Variants in ZNF724 observed in about 807,000 individuals in gnomAD.
The protein encoded by ZNF724 is zinc finger protein 724.
In ZNF724, 14 loss-of-function variants were observed where a neutral mutation model predicts 29.3. The observed-to-expected ratio is 0.48, with a 90% confidence interval of 0.32 to 0.75. The LOEUF (loss-of-function observed/expected upper bound fraction) is 0.75, where lower values mean the gene tolerates loss of function less well. Among genes scored for constraint, ZNF724 ranks in the 30% least tolerant of loss-of-function variants. ZNF724 has a pLI of 0.04. For synonymous variants in ZNF724, 180 were observed against 193.6 expected, an observed-to-expected ratio of 0.93 and a Z score of 0.58; for missense variants, 557 against 571.2, an observed-to-expected ratio of 0.98 and a Z score of 0.25.
At chr19:23,240,131 C>T (rs969046783) in intron 1 of ZNF724, among the ~76,000 whole-genome samples, 7 of 151,918 alleles carry the variant, frequency 4.6e-5, no homozygotes, top group Non-Finnish European at 1.0e-4. Context: ...GCCTGGTCAA[C>T]ATGGTGAAAC....
intron 1 of ZNF724, among the ~76,000 whole-genome samples, chr19:23,242,329 A>G (rs1568345340): frequency 1.3e-5 from 2 of 152,182 alleles, no homozygotes; most frequent in African/African-American, 4.8e-5. Flanking sequence ...CTATAATCCC[A>G]GAACTTTGGG....
intron 3 of ZNF724, among the ~76,000 whole-genome samples, chr19:23,226,840 C>T (rs974848934): frequency 1.3e-5 from 2 of 151,594 alleles, no homozygotes; most frequent in African/African-American, 4.9e-5. Flanking sequence ...TTAATTAAGC[C>T]CTATGTTGAC....
In ZNF724 at chr19:23,249,388, G is replaced by T. The variant is rs532345946; in HGVS notation, c.3+852C>A. Among the ~76,000 whole-genome samples the T allele has an allele frequency of 8.2e-5, 12 of 146,894 alleles. No individual in the cohort carries two copies. In the South Asian group the frequency reaches 2.7e-3, roughly 33 times the overall value. On this transcript the variant is annotated intron_variant, in intron 1 of 3. Transcript: ENST00000418100. ...CCCGAGTGGCTGGGATTACAAGCATGCGCCACTATGCCCGGCTTTTTTTTT... is the reference window on the plus strand; with the variant it reads ...CCCGAGTGGCTGGGATTACAAGCATTCGCCACTATGCCCGGCTTTTTTTTT...
intron 3 of ZNF724, 40 bp downstream of exon 3, chr19:23,231,226 C>T (rs775142605): frequency 1.6e-6 from 2 of 1,226,646 alleles, no homozygotes; most frequent in Non-Finnish European, 2.3e-6. Flanking sequence ...GACATTTGGA[C>T]CTCTCATCTG....
chr19:23,241,698 C>A (rs1220736411), intron 1 of ZNF724, among the ~76,000 whole-genome samples: 1 of 151,686 alleles, frequency 6.6e-6, no homozygotes, highest in Non-Finnish European at 1.5e-5. Flanking sequence ...ATTGTTCATG[C>A]ATAAAACCCT....
chr19:23,239,896 T>G (rs1972089317), intron 1 of ZNF724, among the ~76,000 whole-genome samples: 1 of 147,454 alleles, frequency 6.8e-6, no homozygotes, highest in Admixed American at 6.7e-5. Context: ...GAAGGAGATT[T>G]AGAAATGAAA....
intron 3 of ZNF724, among the ~76,000 whole-genome samples, chr19:23,229,880 C>T (rs1971904962): frequency 6.6e-6 from 1 of 152,128 alleles, no homozygotes; most frequent in African/African-American, 2.4e-5. Context: ...TAAAATAGCA[C>T]TGGAAGTATG....
At position 23,250,363 on chromosome 19, in the gene ZNF724, C is replaced by G. The variant is rs1312444872; in HGVS notation, c.-121G>C. The stretch of plus-strand genomic sequence containing the variant: ...GGACACAAAGCAGGGAAGACGAGAC[C>G]AAGCGCTCCAGCTGCAGCGAGAGAC... On this transcript the variant is annotated 5_prime_UTR_variant, in exon 1 of 4. Coordinates refer to ENST00000418100, the MANE Select transcript of ZNF724 (RefSeq NM_001355404.2). 4.1e-6 allele frequency: 2 copies of G among 486,432 alleles called. No individual in the cohort carries two copies. The highest frequency in any genetic ancestry group is 5.4e-5 in the East Asian group (1 of 18,466). The allele number at this position is 486,432 out of a possible 1,614,324, so 30.1% of individuals were successfully genotyped here.
At chr19:23,242,837 TGAGACCA>T (rs1972154375) in intron 1 of ZNF724, 1 of 151,330 alleles carries the variant, frequency 6.6e-6, no homozygotes, top group Admixed American at 6.6e-5. Context: ...GTCAGGAGTT[TGAGACCA>T]GCCTGACCAA....
intron 1 of ZNF724, among the ~76,000 whole-genome samples, chr19:23,243,087 T>C (rs1972163150): frequency 6.8e-6 from 1 of 146,588 alleles, no homozygotes; most frequent in Non-Finnish European, 1.5e-5. Context: ...AAATATAATA[T>C]GTAAATATCA....
At chr19:23,232,377 A>T in intron 1 of ZNF724, 84 bp from the exon 2 acceptor site, 1 of 744,050 alleles carries the variant, frequency 1.3e-6, no homozygotes, top group East Asian at 2.5e-5. Flanking sequence ...AAGACTAAGG[A>T]GTACTCATTC....
chr19:23,222,958 T>C lies in ZNF724; in HGVS notation c.1287A>G (p.Lys429=), dbSNP rs1276898700. The change falls in exon 4 of 4, where the codon AAA becomes AAG. Residue 429 remains lysine (K), a synonymous_variant. Transcript: ENST00000418100. ...EKPYKCEECG[K]AFNQFSQLTT... ...TAAGTTGTGAGAACTGGTTAAAGGC[T>C]TTGCCACATTCTTCACATTTGTAGG... 7.3e-7 allele frequency: 1 copy of C among 1,378,556 alleles called. No individual in the cohort carries two copies. Among genetic ancestry groups the C allele is most frequent in the Non-Finnish European group, 1.0e-6 (1 of 966,780 alleles). The allele number at this position is 1,378,556 out of a possible 1,614,324, so 85.4% of individuals were successfully genotyped here.
chr19:23,238,365 C>T (rs1972058559), intron 1 of ZNF724, among the ~76,000 whole-genome samples: 1 of 151,648 alleles, frequency 6.6e-6, no homozygotes, highest in African/African-American at 2.4e-5. Context: ...CCTCAAAAAA[C>T]AAAAAACAAA....
chr19:23,237,879 G>A (rs1344812986), intron 1 of ZNF724, among the ~76,000 whole-genome samples: 1 of 152,116 alleles, frequency 6.6e-6, no homozygotes, highest in African/African-American at 2.4e-5. Context: ...TCTTTCTTTT[G>A]CAGTGTAAGT....
chr19:23,223,906 T>TA lies in ZNF724; in HGVS notation c.338dup (p.Leu113PhefsTer6). On this transcript the variant is annotated frameshift_variant, in exon 4 of 4. Coordinates refer to ENST00000418100, the MANE Select transcript of ZNF724 (RefSeq NM_001355404.2). LOFTEE classifies it low-confidence loss of function (END_TRUNC). The stretch of plus-strand genomic sequence containing the variant: ...CATCCACACTTTTATAGCCTTTTTT[T>TA]AACTGTAAATTGTGATGTCCACATT... 1 of 773,448 alleles carries TA rather than the reference T, an allele frequency of 1.3e-6. No homozygotes were observed. The highest frequency in any genetic ancestry group is 2.4e-6 in the Non-Finnish European group (1 of 415,640). The allele number at this position is 773,448 out of a possible 1,614,324, so 47.9% of individuals were successfully genotyped here. A position where few individuals can be genotyped will look rare whatever the true frequency, so the allele number is the denominator to read the frequency against.
At chr19:23,226,652 G>C (rs1479385082) in intron 3 of ZNF724, among the ~76,000 whole-genome samples, 1 of 152,064 alleles carries the variant, frequency 6.6e-6, no homozygotes, top group African/African-American at 2.4e-5. Context: ...ATTAAACACA[G>C]TGTAGAAATA....
Position 23,229,536 on chromosome 19 carries a change from C to G in ZNF724, c.226+1730G>C, listed in dbSNP as rs143010158. Among the ~76,000 whole-genome samples the G allele has an allele frequency of 7.9e-5, 12 of 152,324 alleles. No individual in the cohort carries two copies. The East Asian group carries it at 2.3e-3, about 29-fold the overall frequency. ...TGATGTAAGGCTCACCATATGCAGA[C>G]CTGACTACAGAAACCTGCCTAGTGT... On this transcript the variant is annotated intron_variant, in intron 3 of 3. Transcript: ENST00000418100.
intron 1 of ZNF724, among the ~76,000 whole-genome samples, chr19:23,237,745 A>G (rs1972046579): frequency 1.3e-5 from 2 of 149,222 alleles, no homozygotes; most frequent in Admixed American, 6.8e-5. Context: ...AAAATACTGT[A>G]TAATTCACAC....
chr19:23,239,788 G>A (rs1039184741), intron 1 of ZNF724, among the ~76,000 whole-genome samples: 3 of 152,044 alleles, frequency 2.0e-5, no homozygotes, highest in Admixed American at 6.6e-5. Flanking sequence ...TCCAGGCTAG[G>A]CAACGCAGCG....
Sources: allele counts gnomAD v4.1 joint callset (sites outside exome capture counted in the v4.1 genomes callset), GRCh38; gene constraint gnomAD v4.1.1; transcripts MANE v1.5; gene names NCBI Gene and HGNC (gene_info 2026-07-23, HGNC 2026-07-21).